Variants in XRCC5 observed in about 807,000 individuals in gnomAD.
XRCC5 encodes X-ray repair cross complementing 5.
A neutral mutation model predicts 95.7 loss-of-function variants in XRCC5; 12 were observed. The ratio of observed to expected loss-of-function variants is 0.13; its 90% CI spans 0.08 to 0.20. The LOEUF (loss-of-function observed/expected upper bound fraction) is 0.20. Among genes scored for constraint, XRCC5 ranks in the 10% least tolerant of loss-of-function variants. The pLI is 1.00. For synonymous variants in XRCC5, 281 were observed against 290.3 expected (o/e 0.97, Z 0.33); for missense variants, 595 against 873.9 (o/e 0.68, Z 4.02).
intron 7 of XRCC5, among the ~76,000 whole-genome samples, chr2:216,127,086 C>CA (rs1172227592): frequency 6.6e-6 from 1 of 151,908 alleles, no homozygotes; most frequent in African/African-American, 2.4e-5. Flanking sequence ...ACTAAAAACA[C>CA]AAAAATAGCC....
intron 12 of XRCC5, among the ~76,000 whole-genome samples, 182 bp from the exon 13 acceptor site, chr2:216,141,004 G>A (rs1483676730): frequency 6.6e-6 from 1 of 152,080 alleles, no homozygotes; most frequent in African/African-American, 2.4e-5. Flanking sequence ...ACTCTAAATC[G>A]ATCTTTTCAT....
intron 6 of XRCC5, 80 bp from the exon 7 acceptor site, chr2:216,125,837 T>TG (rs1377006527): frequency 8.8e-7 from 1 of 1,140,348 alleles, no homozygotes; most frequent in Non-Finnish European, 1.3e-6. Flanking sequence ...CACTTCTCAT[T>TG]GTAGAAAATC....
At chr2:216,131,074 A>G in intron 9 of XRCC5, 87 bp downstream of exon 9, 1 of 1,427,188 alleles carries the variant, frequency 7.0e-7, no homozygotes. Context: ...TTTATAAGGT[A>G]TATTTATTTC....
chr2:216,125,639 T>C (rs1163250254), intron 6 of XRCC5, among the ~76,000 whole-genome samples: 1 of 152,218 alleles, frequency 6.6e-6, no homozygotes, highest in Non-Finnish European at 1.5e-5. Context: ...TAAGAACCTC[T>C]GGCAGAGTTG....
chr2:216,145,147 C>G (rs1688600520), intron 13 of XRCC5, among the ~76,000 whole-genome samples: 1 of 151,970 alleles, frequency 6.6e-6, no homozygotes, highest in Admixed American at 6.6e-5. Flanking sequence ...GGTTACAATG[C>G]CTAGATGAGA....
intron 16 of XRCC5, among the ~76,000 whole-genome samples, chr2:216,184,986 C>T (rs375764713): frequency 1.3e-5 from 2 of 152,098 alleles, no homozygotes; most frequent in Non-Finnish European, 2.9e-5. Flanking sequence ...CTACTGGGTT[C>T]GGCATGAGAG....
chr2:216,193,757 T>C (rs1255716834), intron 18 of XRCC5, among the ~76,000 whole-genome samples: 1 of 152,252 alleles, frequency 6.6e-6, no homozygotes, highest in Non-Finnish European at 1.5e-5. Flanking sequence ...CCATATTTTC[T>C]GATAGCTTAT....
chr2:216,138,248 A>G, intron 12 of XRCC5, 69 bp downstream of exon 12: 1 of 1,423,506 alleles, frequency 7.0e-7, no homozygotes, highest in South Asian at 1.2e-5. Flanking sequence ...CCTGTCTGCT[A>G]GTTGTTGGTT....
chr2:216,151,926 C>A (rs965086076), intron 14 of XRCC5, among the ~76,000 whole-genome samples: 1 of 152,112 alleles, frequency 6.6e-6, no homozygotes, highest in Non-Finnish European at 1.5e-5. Flanking sequence ...GGGAAACTTA[C>A]AATCATGGCA....
rs1181349584 is a variant in XRCC5, at chr2:216,162,051, G to T, written c.1834+3G>T. On this transcript the variant is annotated splice_donor_region_variant and intron_variant, in intron 16 of 20. Coordinates refer to ENST00000392132, the MANE Select transcript of XRCC5 (RefSeq NM_021141.4). ...GAAGAAGGCCAGCTTTGAGGAAGGT[G>T]AGTGGTTGACTTTGCATTTAGGAGA... 1 of 1,613,968 alleles carries T rather than the reference G, an allele frequency of 6.2e-7. No homozygotes were observed. The highest frequency in any genetic ancestry group is 8.5e-7 in the Non-Finnish European group (1 of 1,179,806).
At chr2:216,116,090 A>G (rs1374486511) in intron 2 of XRCC5, among the ~76,000 whole-genome samples, 1 of 152,122 alleles carries the variant, frequency 6.6e-6, no homozygotes, top group Non-Finnish European at 1.5e-5. Context: ...CTGGAGTATG[A>G]TATTTCGTTG....
chr2:216,123,022 G>T (rs533025471), intron 6 of XRCC5, among the ~76,000 whole-genome samples: 8 of 152,268 alleles, frequency 5.3e-5, no homozygotes, highest in Admixed American at 2.6e-4. Flanking sequence ...GTCCTATGGG[G>T]TTCAATTTGG....
chr2:216,109,625 A>G (rs539088159), intron 1 of XRCC5, among the ~76,000 whole-genome samples, 168 bp downstream of exon 1: 1 of 152,094 alleles, frequency 6.6e-6, no homozygotes, highest in Non-Finnish European at 1.5e-5. Flanking sequence ...GCTATGAGAA[A>G]AGCTGGAGAT....
chr2:216,179,180 C>G (rs1689335234), intron 16 of XRCC5, among the ~76,000 whole-genome samples: 8 of 152,138 alleles, frequency 5.3e-5, no homozygotes, highest in Admixed American at 5.2e-4. Context: ...TCTCTTGTAG[C>G]CTTTGGTGAC....
chr2:216,186,698 C>T (rs1262857464), intron 16 of XRCC5, among the ~76,000 whole-genome samples: 1 of 152,154 alleles, frequency 6.6e-6, no homozygotes, highest in Non-Finnish European at 1.5e-5. Context: ...GAGTCACTAA[C>T]TAATTTCGAA....
chr2:216,162,600 C>G (rs1381093136), intron 16 of XRCC5, among the ~76,000 whole-genome samples: 1 of 152,040 alleles, frequency 6.6e-6, no homozygotes, highest in Non-Finnish European at 1.5e-5. Context: ...CCATGTTGGT[C>G]AGGCTGGTCT....
chr2:216,121,474 C>G (rs1232009857), intron 5 of XRCC5, among the ~76,000 whole-genome samples: 1 of 152,138 alleles, frequency 6.6e-6, no homozygotes, highest in Non-Finnish European at 1.5e-5. Context: ...GCTGTGTCAT[C>G]CCATGTCAAA....
chr2:216,112,926 C>A, intron 1 of XRCC5, 90 bp from the exon 2 acceptor site: 5 of 950,828 alleles, frequency 5.3e-6, no homozygotes, highest in Non-Finnish European at 8.2e-6. Flanking sequence ...AATACTGATA[C>A]AGGTTCATGA....
chr2:216,169,864 T>A (rs1330501347), intron 16 of XRCC5, among the ~76,000 whole-genome samples: 1 of 121,978 alleles, frequency 8.2e-6, no homozygotes. Flanking sequence ...GGCAACATGG[T>A]GAAACTAAAA....
Sources: gnomAD v4.1 joint callset for allele counts (sites outside exome capture counted in the v4.1 genomes callset) on GRCh38, gnomAD v4.1.1 for gene constraint, MANE v1.5 for transcripts, NCBI Gene and HGNC (gene_info 2026-07-23, HGNC 2026-07-21) for gene names.